The following CDKAL1 variants were observed in gnomAD, a reference collection of about 807,000 sequenced individuals.
CDKAL1 encodes the protein threonylcarbamoyladenosine tRNA methylthiotransferase.
Under a neutral mutation model 68.2 loss-of-function variants are expected in CDKAL1, and 32 were observed. The ratio of observed to expected loss-of-function variants is 0.47; its 90% confidence interval spans 0.35 to 0.63. CDKAL1 has a LOEUF of 0.63. Ranked by LOEUF, CDKAL1 falls within the 30% of genes least tolerant of loss-of-function variation. The probability of loss-of-function intolerance (pLI) is 0.00; values close to 1 mark genes in which losing one functional copy is unlikely to be tolerated. For missense variants in CDKAL1, 606 were observed against 696.7 expected, an observed-to-expected ratio of 0.87 and a Z score of 1.47; for synonymous variants, 234 against 244.3, an observed-to-expected ratio of 0.96 and a Z score of 0.39.
In CDKAL1 at chr6:20,701,428, A is replaced by T. The variant is rs150275369; in HGVS notation, c.372-38091A>T. Among the ~76,000 whole-genome samples the T allele has an allele frequency of 6.1e-3, 928 of 152,200 alleles. 10 individuals carry two copies. The highest frequency in any genetic ancestry group is 0.021 in the African/African-American group (892 of 41,508). On this transcript the variant is annotated intron_variant, in intron 5 of 15. Transcript: ENST00000274695. ...TAGCTCTCTGCTTTTAGACTCTCTGATTTGCTCCAGTCCTTATCATTCCCT... is the reference window on the plus strand; with the variant it reads ...TAGCTCTCTGCTTTTAGACTCTCTGTTTTGCTCCAGTCCTTATCATTCCCT...
At chr6:20,916,517 G>T (rs956382766) in intron 9 of CDKAL1, among the ~76,000 whole-genome samples, 8 of 152,158 alleles carry the variant, frequency 5.3e-5, no homozygotes, top group African/African-American at 1.9e-4. Context: ...TGGGGGTGCA[G>T]GTCAGTGAGG....
intron 11 of CDKAL1, among the ~76,000 whole-genome samples, chr6:21,061,061 G>A (rs1006866228): frequency 2.6e-5 from 4 of 152,088 alleles, no homozygotes; most frequent in Non-Finnish European, 5.9e-5. Context: ...TGTGGGGTGT[G>A]TATATGTTTG....
At chr6:21,152,850 T>A (rs1776476236) in intron 13 of CDKAL1, among the ~76,000 whole-genome samples, 1 of 152,196 alleles carries the variant, frequency 6.6e-6, no homozygotes, top group Non-Finnish European at 1.5e-5. Flanking sequence ...ACTACGCAGA[T>A]CCAAGGAAGG....
intron 12 of CDKAL1, among the ~76,000 whole-genome samples, chr6:21,083,715 G>A (rs1772541952): frequency 6.6e-6 from 1 of 152,138 alleles, no homozygotes. Context: ...TAGGATCATG[G>A]CTTGCATTTA....
At chr6:20,606,178 G>T (rs1485217481) in intron 4 of CDKAL1, among the ~76,000 whole-genome samples, 3 of 152,050 alleles carry the variant, frequency 2.0e-5, no homozygotes, top group Non-Finnish European at 2.9e-5. Flanking sequence ...GTTTCATGTG[G>T]AAGCTTTTAA....
intron 5 of CDKAL1, among the ~76,000 whole-genome samples, chr6:20,711,269 T>C (rs1233417631): frequency 6.6e-6 from 1 of 152,180 alleles, no homozygotes; most frequent in Non-Finnish European, 1.5e-5. Flanking sequence ...TATAAACACA[T>C]TACATTTTCC....
At chr6:20,930,711 T>G (rs1763401426) in intron 9 of CDKAL1, among the ~76,000 whole-genome samples, 1 of 151,856 alleles carries the variant, frequency 6.6e-6, no homozygotes, top group African/African-American at 2.4e-5. Context: ...CATTTAATGT[T>G]TACATTAACT....
chr6:21,166,176 G>C (rs114416966), intron 13 of CDKAL1, among the ~76,000 whole-genome samples: 1 of 152,094 alleles, frequency 6.6e-6, no homozygotes, highest in African/African-American at 2.4e-5. Flanking sequence ...AAGAAAAAGG[G>C]GGTAGTCGTA....
At chr6:20,775,901 TTTA>T (rs1166451995) in intron 7 of CDKAL1, among the ~76,000 whole-genome samples, 1 of 152,174 alleles carries the variant, frequency 6.6e-6, no homozygotes, top group Non-Finnish European at 1.5e-5. Context: ...AAATAATTGT[TTTA>T]TTGTTGAAAT....
intron 2 of CDKAL1, among the ~76,000 whole-genome samples, chr6:20,542,450 A>G (rs1763424919): frequency 6.6e-6 from 1 of 152,208 alleles, no homozygotes; most frequent in Non-Finnish European, 1.5e-5. Flanking sequence ...AAGCGAGGAT[A>G]GTAATACTAT....
chr6:21,069,804 T>TTTTTTTTAAAA (rs60342057), intron 12 of CDKAL1, among the ~76,000 whole-genome samples: 5 of 85,514 alleles, frequency 5.8e-5, no homozygotes, highest in Non-Finnish European at 1.1e-4. Flanking sequence ...TTTTTTTTTT[T>TTTTTTTTAAAA]AAAACAGAGC....
chr6:20,741,949 T>C (rs1316835750), intron 6 of CDKAL1, among the ~76,000 whole-genome samples: 1 of 152,210 alleles, frequency 6.6e-6, no homozygotes, highest in Non-Finnish European at 1.5e-5. Flanking sequence ...TGTTCCCTTT[T>C]CTCCACAGTC....
intron 4 of CDKAL1, among the ~76,000 whole-genome samples, chr6:20,579,046 C>T (rs1765031053): frequency 6.6e-6 from 1 of 152,166 alleles, no homozygotes; most frequent in South Asian, 2.1e-4. Context: ...AGCGCAATCT[C>T]GGCTCACTGC....
intron 5 of CDKAL1, among the ~76,000 whole-genome samples, chr6:20,704,398 C>T (rs1300957060): frequency 2.0e-5 from 3 of 151,848 alleles, no homozygotes; most frequent in African/African-American, 4.8e-5. Context: ...GAGCAGGGAC[C>T]TGAATGAAAT....
intron 12 of CDKAL1, among the ~76,000 whole-genome samples, chr6:21,079,699 T>G (rs1176030735): frequency 6.6e-6 from 1 of 152,226 alleles, no homozygotes; most frequent in Non-Finnish European, 1.5e-5. Context: ...TGATTTTGCC[T>G]TTTGCTACAG....
At chr6:21,061,646 A>G (rs1033086219) in intron 11 of CDKAL1, among the ~76,000 whole-genome samples, 3 of 152,100 alleles carry the variant, frequency 2.0e-5, no homozygotes, top group African/African-American at 7.2e-5. Context: ...TTCCACTTCA[A>G]ACTTCTTTGA....
At chr6:20,783,458 C>G (rs1385778905) in intron 8 of CDKAL1, among the ~76,000 whole-genome samples, 1 of 152,162 alleles carries the variant, frequency 6.6e-6, no homozygotes, top group Non-Finnish European at 1.5e-5. Context: ...CTTCACACCC[C>G]AGTATTCAGT....
intron 4 of CDKAL1, among the ~76,000 whole-genome samples, chr6:20,625,991 G>A (rs1461464534): frequency 6.6e-6 from 1 of 152,102 alleles, no homozygotes; most frequent in Non-Finnish European, 1.5e-5. Context: ...TAGGATCTAT[G>A]TTTTCTTCTC....
chr6:21,176,696 GTT>G (rs1169908107), intron 13 of CDKAL1, among the ~76,000 whole-genome samples: 3 of 100,522 alleles, frequency 3.0e-5, no homozygotes, highest in Non-Finnish European at 4.1e-5. Context: ...TTTTTTTTTT[GTT>G]TTTTTTTTTT....
Sources: allele counts gnomAD v4.1 joint callset (sites outside exome capture counted in the v4.1 genomes callset), GRCh38; gene constraint gnomAD v4.1.1; transcripts MANE v1.5; gene names NCBI Gene and HGNC (gene_info 2026-07-23, HGNC 2026-07-21).